NTM: variants seen among roughly 807,000 people sequenced by gnomAD.
NTM encodes the protein neurotrimin.
In NTM, 13 loss-of-function variants were observed where a neutral mutation model predicts 42.1. The observed-to-expected ratio is 0.31, with a 90% CI of 0.20 to 0.49. NTM has a LOEUF of 0.49. NTM is among the 20% of genes least tolerant of loss of function. The probability of loss-of-function intolerance (pLI) is 0.99; values close to 1 mark genes in which losing one functional copy is unlikely to be tolerated. For missense variants in NTM, 373 were observed against 452.8 expected (o/e 0.82, Z 1.60); for synonymous variants, 187 against 179.2 (o/e 1.04, Z -0.35).
intron 1 of NTM, chr11:131,795,793 G>A (rs1284756611): frequency 1.0e-6 from 1 of 985,288 alleles, no homozygotes; most frequent in Non-Finnish European, 1.2e-6. Flanking sequence ...GGGTTGGGGG[G>A]TGGTGGGAGC....
At chr11:132,007,806 A>G (rs1593654673) in intron 2 of NTM, among the ~76,000 whole-genome samples, 2 of 152,234 alleles carry the variant, frequency 1.3e-5, no homozygotes, top group East Asian at 1.9e-4. Flanking sequence ...AGGTCAGCTA[A>G]AACACAAAGC....
chr11:131,842,931 A>G (rs1378283561), intron 1 of NTM, among the ~76,000 whole-genome samples: 1 of 152,112 alleles, frequency 6.6e-6, no homozygotes, highest in Admixed American at 6.6e-5. Context: ...GAATCACTTG[A>G]ACCCAGGAAG....
At chr11:131,652,684 G>C (rs1012364892) in intron 1 of NTM, among the ~76,000 whole-genome samples, 4 of 152,218 alleles carry the variant, frequency 2.6e-5, no homozygotes, top group African/African-American at 9.7e-5. Context: ...GATTGTGACT[G>C]GTCCAGCATG....
chr11:132,002,453 CAG>C lies in NTM; in HGVS notation c.167+90806_167+90807del. 6.6e-6 allele frequency among the ~76,000 whole-genome samples: 1 copy of C among 152,226 alleles called. No homozygotes were observed. Among genetic ancestry groups the C allele is most frequent in the African/African-American group, 2.4e-5 (1 of 41,532 alleles). On this transcript the variant is annotated intron_variant, in intron 2 of 8. Transcript: ENST00000683400. This position sits in a 1 kb window ranked among gnomAD's most constrained non-coding sequence, Gnocchi z 4.5. ...GGATAAGAATGAGAATTTTGAGTGT[CAG>C]TGATCAACAATTAACCCTACGTCTC...
chr11:132,128,039 T>C (rs142680599), intron 2 of NTM, among the ~76,000 whole-genome samples: 154 of 152,336 alleles, frequency 1.0e-3, no homozygotes, highest in Non-Finnish European at 1.8e-3. Flanking sequence ...CTCATCCATA[T>C]GTCCTCTCCT....
chr11:131,968,415 G>A (rs937199845), intron 2 of NTM, among the ~76,000 whole-genome samples: 3 of 152,194 alleles, frequency 2.0e-5, no homozygotes, highest in African/African-American at 2.4e-5. Context: ...TAAACTTGGC[G>A]TCCTCCCCAG....
chr11:132,191,306 G>A (rs998155567), intron 3 of NTM, among the ~76,000 whole-genome samples: 5 of 152,106 alleles, frequency 3.3e-5, no homozygotes, highest in South Asian at 4.1e-4. Flanking sequence ...GGAGCACCTC[G>A]CTCCCACCTT....
chr11:132,077,978 G>T (rs565442720), intron 2 of NTM, among the ~76,000 whole-genome samples: 3 of 152,296 alleles, frequency 2.0e-5, no homozygotes, highest in African/African-American at 7.2e-5. Context: ...TTATACTAAT[G>T]TGTATTGAAC....
At chr11:131,735,119 A>G (rs2080242656) in intron 1 of NTM, among the ~76,000 whole-genome samples, 1 of 152,200 alleles carries the variant, frequency 6.6e-6, no homozygotes, top group African/African-American at 2.4e-5. Context: ...GATCCTGCCA[A>G]AAACGTGTTG....
chr11:131,666,840 C>G (rs1367379132), intron 1 of NTM, among the ~76,000 whole-genome samples: 4 of 152,164 alleles, frequency 2.6e-5, no homozygotes, highest in African/African-American at 9.7e-5. Flanking sequence ...GGGGGGCATT[C>G]TTTTCCAGCT....
intron 1 of NTM, among the ~76,000 whole-genome samples, chr11:131,748,878 C>T (rs985516156): frequency 6.6e-6 from 1 of 152,194 alleles, no homozygotes; most frequent in Admixed American, 6.5e-5. Flanking sequence ...CAGTGCCAGG[C>T]GGCCCTGCTT....
At chr11:132,138,113 C>T (rs1292304285) in intron 2 of NTM, among the ~76,000 whole-genome samples, 2 of 152,110 alleles carry the variant, frequency 1.3e-5, no homozygotes, top group Non-Finnish European at 2.9e-5. Context: ...CCTTGGCAGC[C>T]GCCTCAACAC....
chr11:132,024,510 AT>A (rs2074884969), intron 2 of NTM, among the ~76,000 whole-genome samples: 1 of 152,042 alleles, frequency 6.6e-6, no homozygotes, highest in South Asian at 2.1e-4. Context: ...TTTTTACTGT[AT>A]TGTTTTGGAT....
At chr11:132,262,605 T>C (rs531360363) in intron 4 of NTM, among the ~76,000 whole-genome samples, 28 of 152,194 alleles carry the variant, frequency 1.8e-4, no homozygotes, top group African/African-American at 6.5e-4. Flanking sequence ...GGACTTTAAT[T>C]CCATTCACGA....
chr11:131,693,718 C>T (rs2075079521), intron 1 of NTM, among the ~76,000 whole-genome samples: 2 of 152,186 alleles, frequency 1.3e-5, no homozygotes, highest in Non-Finnish European at 2.9e-5. Context: ...CTGGTGTTCC[C>T]AGCTGGGCAT....
intron 2 of NTM, among the ~76,000 whole-genome samples, chr11:132,024,162 A>G (rs556444593): frequency 6.6e-6 from 1 of 151,210 alleles, no homozygotes; most frequent in South Asian, 2.1e-4. Flanking sequence ...GGGAAGGAGG[A>G]TAGGGTATGT....
intron 2 of NTM, among the ~76,000 whole-genome samples, chr11:132,022,906 G>A (rs2074561527): frequency 6.6e-6 from 1 of 152,174 alleles, no homozygotes; most frequent in African/African-American, 2.4e-5. Context: ...CTGCTGGATG[G>A]GATCCCGGTT....
chr11:131,827,648 T>C (rs2042295061), intron 1 of NTM, among the ~76,000 whole-genome samples: 1 of 152,152 alleles, frequency 6.6e-6, no homozygotes, highest in African/African-American at 2.4e-5. Context: ...TCTACAGTGA[T>C]CATGCAGATA....
intron 2 of NTM, among the ~76,000 whole-genome samples, chr11:132,136,599 A>C (rs2067964359): frequency 6.6e-6 from 1 of 152,204 alleles, no homozygotes; most frequent in African/African-American, 2.4e-5. Flanking sequence ...GATCAGGTGG[A>C]CAGGCAGTCT....
Sources: allele counts gnomAD v4.1 joint callset (sites outside exome capture counted in the v4.1 genomes callset), GRCh38; gene constraint gnomAD v4.1.1; non-coding constraint Gnocchi (gnomAD v3.1); transcripts MANE v1.5; gene names NCBI Gene and HGNC (gene_info 2026-07-23, HGNC 2026-07-21).